Variants in ADAMTSL1 observed in about 807,000 individuals in gnomAD.
ADAMTSL1 encodes the protein ADAMTS like 1.
A neutral mutation model predicts 201.8 loss-of-function variants in ADAMTSL1; 126 were observed. The observed-to-expected ratio is 0.62, with a 90% CI of 0.54 to 0.72. The LOEUF is 0.72. Among genes scored for constraint, ADAMTSL1 ranks in the 30% least tolerant of loss-of-function variants. The pLI, the probability that ADAMTSL1 is intolerant of heterozygous loss-of-function variation, is 0.00. For missense variants in ADAMTSL1, 2,679 were observed against 2,277.8 expected, an observed-to-expected ratio of 1.18 and a Z score of -3.59; for synonymous variants, 1,121 against 903.4, an observed-to-expected ratio of 1.24 and a Z score of -4.32.
In ADAMTSL1 at chr9:18,241,627, C is replaced by A. The variant is rs142506637; in HGVS notation, c.207+77646C>A. Among the ~76,000 whole-genome samples the A allele has an allele frequency of 6.9e-3, 1,047 of 151,906 alleles. 11 individuals carry two copies. Among genetic ancestry groups the A allele is most frequent in the African/African-American group, 0.024 (989 of 41,446 alleles). ...AGACATATATAAACAAAATGACAAA[C>A]CTTAGCTAGTCTAAACAAAAAGGAA... On this transcript the variant is annotated intron_variant, in intron 2 of 29. Coordinates refer to the ADAMTSL1 transcript ENST00000680146.
intron 25 of ADAMTSL1, among the ~76,000 whole-genome samples, chr9:18,891,451 A>T (rs376491720): frequency 7.2e-5 from 11 of 152,184 alleles, no homozygotes; most frequent in African/African-American, 2.7e-4. Context: ...CTCTTTGAGA[A>T]TTACCACAGG....
intron 1 of ADAMTSL1, among the ~76,000 whole-genome samples, chr9:17,976,280 T>C (rs1269146499): frequency 6.6e-6 from 1 of 152,084 alleles, no homozygotes; most frequent in Non-Finnish European, 1.5e-5. Flanking sequence ...GAGATTTTGA[T>C]AGAGATTGTA....
intron 22 of ADAMTSL1, among the ~76,000 whole-genome samples, chr9:18,827,449 G>A (rs6475255): frequency 9.2e-5 from 14 of 151,608 alleles, no homozygotes; most frequent in African/African-American, 3.2e-4. Flanking sequence ...TTTCAGAGAG[G>A]CCCAAACGGG....
At chr9:18,231,682 A>C (rs1438579379) in intron 2 of ADAMTSL1, among the ~76,000 whole-genome samples, 1 of 152,176 alleles carries the variant, frequency 6.6e-6, no homozygotes, top group Non-Finnish European at 1.5e-5. Context: ...TTGAATATCC[A>C]ACTGTGATAG....
intron 4 of ADAMTSL1, among the ~76,000 whole-genome samples, chr9:18,596,655 A>G (rs144766046): frequency 9.2e-5 from 14 of 152,274 alleles, no homozygotes; most frequent in African/African-American, 3.1e-4. Flanking sequence ...ATGTGAGGTG[A>G]TATTGTTACA....
chr9:18,233,488 T>C (rs964296796), intron 2 of ADAMTSL1, among the ~76,000 whole-genome samples: 13 of 152,260 alleles, frequency 8.5e-5, no homozygotes, highest in Admixed American at 5.2e-4. Flanking sequence ...TACTGACTCA[T>C]TCATCTAATA....
intron 2 of ADAMTSL1, among the ~76,000 whole-genome samples, chr9:18,294,081 A>C (rs781501490): frequency 1.3e-5 from 2 of 152,342 alleles, no homozygotes; most frequent in African/African-American, 4.8e-5. Context: ...TGAGGTTTTC[A>C]TTATAAAACA....
intron 4 of ADAMTSL1, among the ~76,000 whole-genome samples, chr9:18,602,998 T>G (rs548159383): frequency 1.3e-5 from 2 of 152,286 alleles, no homozygotes; most frequent in East Asian, 3.9e-4. Context: ...GGTAAATATT[T>G]TTACGTAAAA....
intron 23 of ADAMTSL1, among the ~76,000 whole-genome samples, chr9:18,866,505 T>C (rs1827549943): frequency 6.6e-6 from 1 of 152,242 alleles, no homozygotes; most frequent in African/African-American, 2.4e-5. Context: ...ACTTTGGTTA[T>C]AATTAATTTA....
At chr9:18,544,895 C>G (rs1820382420) in intron 3 of ADAMTSL1, among the ~76,000 whole-genome samples, 1 of 152,182 alleles carries the variant, frequency 6.6e-6, no homozygotes, top group African/African-American at 2.4e-5. Context: ...GCTCAACTTT[C>G]AACTGATGAA....
rs143350196 is a variant in ADAMTSL1 at position 18,776,602 on chromosome 9, G to A, written c.2552-179G>A. Reference sequence around the variant, plus strand: ...CCGAAAAACACAGGCAGTAAAGGATGGCCCCGGCCAAAATAAACCCCGAAG... The same window carrying A: ...CCGAAAAACACAGGCAGTAAAGGATAGCCCCGGCCAAAATAAACCCCGAAG... On this transcript the variant is annotated intron_variant, in intron 18 of 28. Coordinates refer to ENST00000380548, the MANE Select transcript of ADAMTSL1 (RefSeq NM_001040272.6). Among the ~76,000 whole-genome samples, 174 of 152,240 alleles carry A rather than the reference G, an allele frequency of 1.1e-3. 5 individuals carry two copies. The East Asian group carries it at 0.029, about 25-fold the overall frequency.
At chr9:17,946,637 G>T (rs1017691370) in intron 1 of ADAMTSL1, among the ~76,000 whole-genome samples, 1 of 152,006 alleles carries the variant, frequency 6.6e-6, no homozygotes, top group Admixed American at 6.6e-5. Context: ...TCCATAAAAA[G>T]ATTTTTCCCA....
rs57492761 is a variant in ADAMTSL1, at chr9:18,552,997, T to C, written c.237+19705T>C. Among the ~76,000 whole-genome samples the C allele has an allele frequency of 4.6e-4, 70 of 151,750 alleles. 1 individual carries two copies. In the East Asian group the frequency reaches 0.013, roughly 28 times the overall value. ...GCTGTCACTATGGTTACTGATAAAA[T>C]TACACTTATCTCTATCTTTAAATTT... On this transcript the variant is annotated intron_variant, in intron 3 of 28. Transcript: ENST00000380548.
At chr9:18,582,028 A>T (rs1823131145) in intron 4 of ADAMTSL1, among the ~76,000 whole-genome samples, 2 of 152,184 alleles carry the variant, frequency 1.3e-5, no homozygotes. Flanking sequence ...CTTTCTTGCA[A>T]TTAACAGGTA....
At chr9:18,174,563 A>G (rs936831392) in intron 2 of ADAMTSL1, among the ~76,000 whole-genome samples, 1 of 152,198 alleles carries the variant, frequency 6.6e-6, no homozygotes, top group African/African-American at 2.4e-5. Flanking sequence ...TTGATACAGC[A>G]CACCCTCTCC....
intron 2 of ADAMTSL1, among the ~76,000 whole-genome samples, chr9:18,297,711 C>A (rs769585868): frequency 1.4e-4 from 21 of 152,230 alleles, no homozygotes; most frequent in South Asian, 2.1e-4. Context: ...GAGTAGTGTC[C>A]CTTGGGCTCA....
At chr9:18,123,868 A>C (rs1352485534) in intron 1 of ADAMTSL1, among the ~76,000 whole-genome samples, 1 of 152,124 alleles carries the variant, frequency 6.6e-6, no homozygotes, top group Non-Finnish European at 1.5e-5. Flanking sequence ...AGAAAAACTG[A>C]CAAATTGTTT....
At chr9:18,144,071 AATGGAACTCTCT>A (rs1320035303) in intron 1 of ADAMTSL1, among the ~76,000 whole-genome samples, 5 of 152,190 alleles carry the variant, frequency 3.3e-5, no homozygotes, top group African/African-American at 1.2e-4. Flanking sequence ...ACACATGAAG[AATGGAACTCTCT>A]CCTGATTTTG....
chr9:18,248,938 G>C (rs1189905963), intron 2 of ADAMTSL1, among the ~76,000 whole-genome samples: 1 of 152,188 alleles, frequency 6.6e-6, no homozygotes, highest in Non-Finnish European at 1.5e-5. Flanking sequence ...GTAAGGAAAA[G>C]TTGTGAATGT....
Sources: allele counts gnomAD v4.1 joint callset (sites outside exome capture counted in the v4.1 genomes callset), GRCh38; gene constraint gnomAD v4.1.1; transcripts MANE v1.5; gene names NCBI Gene and HGNC (gene_info 2026-07-23, HGNC 2026-07-21).